Variants in SYNJ2 observed in about 807,000 individuals in gnomAD.
SYNJ2 encodes synaptojanin 2, also known as polyphosphatidylinositol phosphatase SYNJ2.
SYNJ2 carries 116 observed loss-of-function variants against 141.3 expected under a neutral mutation model. The ratio of observed to expected loss-of-function variants is 0.82; its 90% CI spans 0.71 to 0.96. SYNJ2 has a LOEUF of 0.96. Ranked by LOEUF, SYNJ2 falls within the 40% of genes least tolerant of loss-of-function variation. SYNJ2 has a pLI of 0.00. For synonymous variants in SYNJ2, 745 were observed against 777.7 expected (o/e 0.96, Z 0.70); for missense variants, 1,873 against 1,934.8 (o/e 0.97, Z 0.60).
In SYNJ2 at chr6:158,043,231, A is replaced by G; in HGVS notation, c.712-85A>G. The G allele has an allele frequency of 8.3e-7, 1 of 1,200,836 alleles. No homozygotes were observed. Among genetic ancestry groups the G allele is most frequent in the Non-Finnish European group, 1.2e-6 (1 of 820,816 alleles). The allele number at this position is 1,200,836 out of a possible 1,614,324, so 74.4% of individuals were successfully genotyped here. On this transcript the variant is annotated intron_variant, in intron 4 of 26. Transcript: ENST00000355585. This position sits in a 1 kb window ranked among gnomAD's most constrained non-coding sequence, Gnocchi z 4.0. Reference sequence around the variant, plus strand: ...CCTTCATTCTGGCTGGTGTCGGGTCACAGGTGGCCGGATCCCGTTACCCAG... The same window carrying G: ...CCTTCATTCTGGCTGGTGTCGGGTCGCAGGTGGCCGGATCCCGTTACCCAG...
chr6:158,047,480 G>A (rs781716136), intron 5 of SYNJ2, among the ~76,000 whole-genome samples: 7 of 151,988 alleles, frequency 4.6e-5, no homozygotes, highest in South Asian at 2.1e-4. Context: ...ATTAAAGAGC[G>A]TAATATAAGA....
Position 158,071,929 on chromosome 6 carries a change from G to A in SYNJ2, c.2133+135G>A. 9.4e-7 allele frequency: 1 copy of A among 1,063,228 alleles called. No individual in the cohort carries two copies. Among genetic ancestry groups the A allele is most frequent in the East Asian group, 2.6e-5 (1 of 38,048 alleles). 65.9% of individuals were successfully genotyped at this position (1,063,228 alleles called of 1,614,324 possible). ...CTGGAGGGCTCAGCGCTGGGGGAGG[G>A]GGAGAGGGCTATGTCCCTCCATGGA... On this transcript the variant is annotated intron_variant, in intron 15 of 26. Coordinates refer to ENST00000355585, the MANE Select transcript of SYNJ2 (RefSeq NM_003898.4). This position sits in a 1 kb window ranked among gnomAD's most constrained non-coding sequence, Gnocchi z 4.3.
chr6:158,008,265 G>A (rs1031693702), intron 1 of SYNJ2, among the ~76,000 whole-genome samples: 4 of 152,220 alleles, frequency 2.6e-5, no homozygotes, highest in Non-Finnish European at 5.9e-5. Flanking sequence ...GAGCCACCAC[G>A]TCTGGCCATG....
intron 1 of SYNJ2, among the ~76,000 whole-genome samples, chr6:157,986,389 A>C (rs896857712): frequency 6.6e-6 from 1 of 152,194 alleles, no homozygotes; most frequent in African/African-American, 2.4e-5. Context: ...GCTGGAGTAC[A>C]ATGGCGCAAT....
At chr6:158,047,797 A>AAAAAAAC in intron 5 of SYNJ2, among the ~76,000 whole-genome samples, 1 of 149,402 alleles carries the variant, frequency 6.7e-6, no homozygotes, top group Non-Finnish European at 1.5e-5. Flanking sequence ...AAAAAAAAAA[A>AAAAAAAC]AAAAAAAACA....
At chr6:158,005,711 C>A (rs12201369) in intron 1 of SYNJ2, among the ~76,000 whole-genome samples, 9 of 152,138 alleles carry the variant, frequency 5.9e-5, no homozygotes, top group East Asian at 1.9e-4. Context: ...TCCACTCCCC[C>A]ACCCTCCCAG....
At chr6:158,082,713 G>A (rs553381924) in intron 20 of SYNJ2, among the ~76,000 whole-genome samples, 13 of 152,248 alleles carry the variant, frequency 8.5e-5, no homozygotes, top group South Asian at 2.1e-4. Context: ...TGTGTCTCAC[G>A]TTGGAAGGCA....
chr6:158,064,506 A>G lies in SYNJ2; in HGVS notation c.1210-95A>G. ...GCACAGAGTCTTCCAGGCACAGCGTAATCCACAGGCTGCCGAATAAGGAAC... is the reference window on the plus strand; with the variant it reads ...GCACAGAGTCTTCCAGGCACAGCGTGATCCACAGGCTGCCGAATAAGGAAC... On this transcript the variant is annotated intron_variant, in intron 9 of 26. Coordinates refer to ENST00000355585, the MANE Select transcript of SYNJ2 (RefSeq NM_003898.4). The G allele has an allele frequency of 2.0e-6, 3 of 1,486,052 alleles. No homozygotes were observed. The Middle Eastern group carries it at 5.3e-4, about 263-fold the overall frequency. 92.1% of individuals were successfully genotyped at this position (1,486,052 alleles called of 1,614,324 possible).
intron 5 of SYNJ2, among the ~76,000 whole-genome samples, chr6:158,047,028 C>A (rs1403389083): frequency 2.0e-5 from 3 of 152,202 alleles, no homozygotes; most frequent in Admixed American, 1.3e-4. Flanking sequence ...TCACCTCTTT[C>A]CTGCCAGAAA....
At chr6:158,037,635 T>A (rs1779711843) in intron 4 of SYNJ2, among the ~76,000 whole-genome samples, 1 of 152,048 alleles carries the variant, frequency 6.6e-6, no homozygotes, top group Non-Finnish European at 1.5e-5. Context: ...TCTCCTGACC[T>A]CGTGATCTGC....
intron 4 of SYNJ2, among the ~76,000 whole-genome samples, chr6:158,039,686 T>C (rs1481958205): frequency 6.6e-6 from 1 of 151,958 alleles, no homozygotes; most frequent in Non-Finnish European, 1.5e-5. Flanking sequence ...CTCATTCTGG[T>C]AGCACAGCGT....
Position 158,071,740 on chromosome 6 carries a change from G to A in SYNJ2, c.2079G>A (p.Val693=). ...CSHLTAGQSQ[V]KERNEDYKEI... is the part of the protein sequence containing the mutation. ...ACCTGACGGCCGGGCAGTCCCAGGT[G>A]AAGGAGCGGAATGAAGACTACAAGG... Residue 693 remains valine, a synonymous_variant, in exon 15 of 27, where the codon GTG becomes GTA. Transcript: ENST00000355585. This position sits in a 1 kb window ranked among gnomAD's most constrained non-coding sequence, Gnocchi z 4.3. The A allele has an allele frequency of 3.1e-6, 5 of 1,614,016 alleles. No individual in the cohort carries two copies. The highest frequency in any genetic ancestry group is 4.2e-6 in the Non-Finnish European group (5 of 1,180,038).
At position 158,064,981 on chromosome 6, in the gene SYNJ2, G is replaced by A. The variant is rs772592627; in HGVS notation, c.1515G>A (p.Thr505=). Residue 505 remains threonine (T), a synonymous_variant, in exon 11 of 27, where the codon ACG becomes ACA. Transcript: ENST00000355585. Reference sequence around the variant, plus strand: ...AAGGGGGCATGCTGCTGGACAGCACGGCGCTCCTGGGTAGGGCCTGCCGCA... The same window carrying A: ...AAGGGGGCATGCTGCTGGACAGCACAGCGCTCCTGGGTAGGGCCTGCCGCA... ...ADKGGMLLDS[T]ALLVTPRILK... 2.4e-5 allele frequency: 38 copies of A among 1,577,324 alleles called. No homozygotes were observed. Among genetic ancestry groups the A allele is most frequent in the Admixed American group, 2.4e-4 (13 of 55,044 alleles).
At chr6:158,060,423 C>G (rs1781147744) in intron 7 of SYNJ2, among the ~76,000 whole-genome samples, 2 of 152,314 alleles carry the variant, frequency 1.3e-5, no homozygotes, top group African/African-American at 4.8e-5. Context: ...CTCCATGTCC[C>G]CTGCCTAATA....
chr6:157,994,054 A>G (rs913778630), intron 1 of SYNJ2, among the ~76,000 whole-genome samples: 1 of 151,832 alleles, frequency 6.6e-6, no homozygotes, highest in Admixed American at 6.6e-5. Context: ...TGACCTCTTG[A>G]TCCACCTGCC....
chr6:158,047,088 G>A (rs186360393), intron 5 of SYNJ2, among the ~76,000 whole-genome samples: 1 of 152,120 alleles, frequency 6.6e-6, no homozygotes, highest in African/African-American at 2.4e-5. Flanking sequence ...TTGTGTGTTT[G>A]TACCTTCCTT....
chr6:158,077,404 C>T (rs911534143), intron 17 of SYNJ2, among the ~76,000 whole-genome samples: 5 of 152,166 alleles, frequency 3.3e-5, no homozygotes, highest in African/African-American at 7.2e-5. Context: ...GTGGGGAAAG[C>T]GGGGAGCATG....
chr6:158,066,397 G>A, intron 11 of SYNJ2, 47 bp from the exon 12 acceptor site: 1 of 1,607,468 alleles, frequency 6.2e-7, no homozygotes. Flanking sequence ...GAGGATGCCT[G>A]AGCTTTGGAA....
chr6:158,069,994 C>A, intron 14 of SYNJ2: 1 of 453,598 alleles, frequency 2.2e-6, no homozygotes, highest in Non-Finnish European at 3.0e-6. Context: ...CAGGAAACCT[C>A]TGACCAAGAG....
Sources: gnomAD v4.1 joint callset for allele counts (sites outside exome capture counted in the v4.1 genomes callset) on GRCh38, gnomAD v4.1.1 for gene constraint, Gnocchi (gnomAD v3.1) non-coding constraint, MANE v1.5 for transcripts, NCBI Gene and HGNC (gene_info 2026-07-23, HGNC 2026-07-21) for gene names.